The following ARK2N variants were observed in gnomAD, a reference collection of about 807,000 sequenced individuals.
ARK2N encodes the protein protein ARK2N.
the ARK2N span, among the ~76,000 whole-genome samples, chr18:46,231,554 A>G: frequency 2.1e-5 from 3 of 145,952 alleles, no homozygotes; most frequent in African/African-American, 5.0e-5. Flanking sequence ...AAAAATGATT[A>G]AAGGTTTGGG....
the ARK2N span, chr18:46,265,155 A>G: frequency 6.6e-6 from 1 of 152,666 alleles, no homozygotes; most frequent in Non-Finnish European, 1.5e-5. Context: ...AAAATACTAG[A>G]CAAAGCAGAA....
At chr18:46,193,604 T>TG in the ARK2N span, among the ~76,000 whole-genome samples, 1,491 of 144,292 alleles carry the variant, frequency 0.01, 21 homozygotes, top group African/African-American at 0.037. Flanking sequence ...TTTTTTTTTT[T>TG]TTTTTTTTTT....
At chr18:46,195,199 T>G in the ARK2N span, among the ~76,000 whole-genome samples, 1 of 151,914 alleles carries the variant, frequency 6.6e-6, no homozygotes, top group Non-Finnish European at 1.5e-5. Flanking sequence ...ATTATCCACA[T>G]TTTGCCATTT....
chr18:46,173,738 AG>A, the ARK2N span: 3 of 152,354 alleles, frequency 2.0e-5, no homozygotes, highest in African/African-American at 7.2e-5. Flanking sequence ...CGCACAGAAA[AG>A]GGAGCGCTGT....
chr18:46,245,593 GA>G, the ARK2N span, among the ~76,000 whole-genome samples: 11 of 147,230 alleles, frequency 7.5e-5, no homozygotes, highest in African/African-American at 2.5e-4. Flanking sequence ...AAAAAAGAAA[GA>G]AAAAAAGAAC....
At chr18:46,227,164 A>C in the ARK2N span, among the ~76,000 whole-genome samples, 5 of 152,202 alleles carry the variant, frequency 3.3e-5, no homozygotes, top group African/African-American at 1.2e-4. Context: ...CATCAATATG[A>C]AAAAGGTTCA....
the ARK2N span, among the ~76,000 whole-genome samples, chr18:46,239,527 A>G: frequency 2.6e-4 from 39 of 152,248 alleles, no homozygotes. Context: ...TCTTTAGGAC[A>G]TAGGAAAATA....
the ARK2N span, among the ~76,000 whole-genome samples, chr18:46,201,299 T>G: frequency 1.3e-5 from 2 of 152,136 alleles, no homozygotes; most frequent in South Asian, 4.1e-4. Context: ...TTTTGTTTTG[T>G]TTTTTAATTT....
chr18:46,179,596 A>G, the ARK2N span, among the ~76,000 whole-genome samples: 3 of 151,784 alleles, frequency 2.0e-5, no homozygotes, highest in African/African-American at 7.3e-5. Context: ...GGGTGAAACT[A>G]AAAAGTAATC....
the ARK2N span, among the ~76,000 whole-genome samples, chr18:46,253,037 G>A: frequency 6.6e-6 from 1 of 152,194 alleles, no homozygotes; most frequent in African/African-American, 2.4e-5. Context: ...TCTCAGCAAT[G>A]TACAAGTTAC....
At chr18:46,203,053 T>C in the ARK2N span, among the ~76,000 whole-genome samples, 2 of 152,106 alleles carry the variant, frequency 1.3e-5, no homozygotes, top group African/African-American at 2.4e-5. Flanking sequence ...GAGGACAAAT[T>C]GATGGAAGCA....
At chr18:46,233,080 A>G in the ARK2N span, 2 of 152,160 alleles carry the variant, frequency 1.3e-5, no homozygotes, top group Admixed American at 6.5e-5. Flanking sequence ...TAGATTTTGC[A>G]TATTTGGCAG....
the ARK2N span, among the ~76,000 whole-genome samples, chr18:46,259,952 C>T: frequency 8.4e-6 from 1 of 118,732 alleles, no homozygotes; most frequent in Non-Finnish European, 1.9e-5. Flanking sequence ...AACTTGTGAG[C>T]TCAAGTGATC....
At chr18:46,265,464 G>A in the ARK2N span, 3 of 152,308 alleles carry the variant, frequency 2.0e-5, no homozygotes, top group Admixed American at 6.5e-5. Flanking sequence ...GCTGTAACCA[G>A]TCTCTTCTCT....
At chr18:46,263,452 G>T in the ARK2N span, 2 of 193,544 alleles carry the variant, frequency 1.0e-5, no homozygotes, top group Non-Finnish European at 2.2e-5. Context: ...AGGCAAAATG[G>T]GTTTCAGTTT....
At chr18:46,241,807 GTTATTTAT>G in the ARK2N span, among the ~76,000 whole-genome samples, 6 of 151,892 alleles carry the variant, frequency 4.0e-5, no homozygotes, top group African/African-American at 9.7e-5. Flanking sequence ...GTGTTTCTAA[GTTATTTAT>G]TTATTTATTT....
the ARK2N span, chr18:46,216,020 C>T: frequency 2.0e-3 from 3,179 of 1,613,994 alleles, 75 homozygotes; most frequent in African/African-American, 0.037. This position sits in a 1 kb window ranked among gnomAD's most constrained non-coding sequence, Gnocchi z 4.3. Context: ...GATGGTGTAG[C>T]GGATTCTACA....
At chr18:46,237,458 G>A in the ARK2N span, among the ~76,000 whole-genome samples, 450 of 150,342 alleles carry the variant, frequency 3.0e-3, 1 homozygote, top group Non-Finnish European at 5.2e-3. Context: ...CACGATCTCG[G>A]CTCACTGCTA....
At chr18:46,258,477 T>G in the ARK2N span, among the ~76,000 whole-genome samples, 1 of 152,176 alleles carries the variant, frequency 6.6e-6, no homozygotes, top group Non-Finnish European at 1.5e-5. Flanking sequence ...TCATTTCCAC[T>G]GTGCAGCCTT....
Sources: gnomAD v4.1 joint callset for allele counts (sites outside exome capture counted in the v4.1 genomes callset) on GRCh38, gnomAD v4.1.1 for gene constraint, Gnocchi (gnomAD v3.1) non-coding constraint, MANE v1.5 for transcripts, NCBI Gene and HGNC (gene_info 2026-07-23, HGNC 2026-07-21) for gene names.